Variants in RORC observed in about 807,000 individuals in gnomAD.
RORC encodes RAR related orphan receptor C, also known as nuclear receptor ROR-gamma.
A neutral mutation model predicts 64.5 loss-of-function variants in RORC; 13 were observed. That is an observed-to-expected ratio of 0.20 (90% confidence interval 0.13 to 0.32). The LOEUF (loss-of-function observed/expected upper bound fraction) is 0.32. Ranked by LOEUF, RORC falls within the 10% of genes least tolerant of loss-of-function variation. The pLI is 1.00. For synonymous variants in RORC, 277 were observed against 259.3 expected (o/e 1.07, Z -0.65); for missense variants, 468 against 669.5 (o/e 0.70, Z 3.32).
At chr1:151,813,113 G>A (rs1651603367) in intron 8 of RORC, 56 bp from the exon 9 acceptor site, 1 of 1,480,986 alleles carries the variant, frequency 6.8e-7, no homozygotes, top group African/African-American at 1.4e-5. Context: ...GGTGCCCGAG[G>A]ACACCGCCCT....
At chr1:151,829,099 C>G (rs866246051) in intron 2 of RORC, among the ~76,000 whole-genome samples, 5 of 151,822 alleles carry the variant, frequency 3.3e-5, no homozygotes, top group African/African-American at 4.8e-5. Flanking sequence ...TCCTTCCTTC[C>G]CCGGCCTGGC....
At chr1:151,811,241 C>A in intron 10 of RORC, 84 bp downstream of exon 10, 1 of 821,000 alleles carries the variant, frequency 1.2e-6, no homozygotes, top group Non-Finnish European at 2.0e-6. Context: ...CTCCTCTGTA[C>A]CCACAGACCC....
In RORC at chr1:151,830,837, A is replaced by G. The variant is rs1572050139; in HGVS notation, c.40+888T>C. 1 of 423,730 alleles carries G rather than the reference A, an allele frequency of 2.4e-6. No homozygotes were observed. Among genetic ancestry groups the G allele is most frequent in the Non-Finnish European group, 3.3e-6 (1 of 305,582 alleles). The allele number at this position is 423,730 out of a possible 1,614,324, so 26.2% of individuals were successfully genotyped here. A position where few individuals can be genotyped will look rare whatever the true frequency, so the allele number is the denominator to read the frequency against. The stretch of plus-strand genomic sequence containing the variant: ...CCTCCCCTTGCTCCTGCCTGGCCCC[A>G]CCCAGCTTCCTCCCTGACGTGGCAC... On this transcript the variant is annotated intron_variant, in intron 1 of 10. Coordinates refer to ENST00000318247, the MANE Select transcript of RORC (RefSeq NM_005060.4). The surrounding 1 kb of genome is among the most constrained non-coding windows in gnomAD (Gnocchi z 4.0).
At chr1:151,825,114 A>G (rs986049360) in intron 2 of RORC, among the ~76,000 whole-genome samples, 3 of 152,180 alleles carry the variant, frequency 2.0e-5, no homozygotes, top group African/African-American at 7.2e-5. Flanking sequence ...TGGAAGGCAC[A>G]GGAACCCCAG....
chr1:151,807,297 C>T lies in RORC; in HGVS notation c.*175G>A. 3.4e-6 allele frequency: 2 copies of T among 588,134 alleles called. No individual in the cohort carries two copies. Among genetic ancestry groups the T allele is most frequent in the Admixed American group, 6.2e-5 (2 of 32,066 alleles). 36.4% of individuals were successfully genotyped at this position (588,134 alleles called of 1,614,324 possible). ...CCAGCCCCACCCTCTGGCGATTGTC[C>T]CACTGCCAGGCCGGCCTGCTGACAG... On this transcript the variant is annotated 3_prime_UTR_variant, in exon 11 of 11. Transcript: ENST00000318247. The surrounding 1 kb of genome is among the most constrained non-coding windows in gnomAD (Gnocchi z 5.0).
chr1:151,825,118 A>T (rs912773624), intron 2 of RORC, among the ~76,000 whole-genome samples: 3 of 152,058 alleles, frequency 2.0e-5, no homozygotes, highest in African/African-American at 7.2e-5. Context: ...AGGCACAGGA[A>T]CCCCAGACAT....
intron 9 of RORC, 197 bp from the exon 10 acceptor site, chr1:151,811,631 A>G (rs1651536462): frequency 2.2e-6 from 1 of 447,126 alleles, no homozygotes; most frequent in Non-Finnish European, 4.1e-6. Flanking sequence ...AAAACTGGGA[A>G]GAGATGAAAG....
intron 10 of RORC, among the ~76,000 whole-genome samples, chr1:151,809,052 C>T (rs1420806830): frequency 2.0e-5 from 3 of 152,140 alleles, no homozygotes; most frequent in Non-Finnish European, 2.9e-5. Flanking sequence ...TTGACCATGA[C>T]GCAGACTCTA....
At chr1:151,813,804 T>C (rs1210295458) in intron 6 of RORC, 184 bp from the exon 7 acceptor site, 2 of 653,372 alleles carry the variant, frequency 3.1e-6, no homozygotes, top group Non-Finnish European at 5.1e-6. Context: ...TCCCACACAC[T>C]GAGCACCTAC....
chr1:151,810,478 A>G (rs1277966605), intron 10 of RORC, among the ~76,000 whole-genome samples: 3 of 151,892 alleles, frequency 2.0e-5, no homozygotes, highest in Non-Finnish European at 4.4e-5. Flanking sequence ...CGCAAAGAGC[A>G]CTGGGATTCA....
chr1:151,825,990 G>C lies in RORC; in HGVS notation c.70+3439C>G, dbSNP rs1038591906. The stretch of plus-strand genomic sequence containing the variant: ...CTCCCTGTCCTTCTCAGCAGGGGGT[G>C]GTCCAGGAGTGGGGTGCAGCTGGCG... On this transcript the variant is annotated intron_variant, in intron 2 of 10. Coordinates refer to ENST00000318247, the MANE Select transcript of RORC (RefSeq NM_005060.4). 9 of 1,609,596 alleles carry C rather than the reference G, an allele frequency of 5.6e-6. No individual in the cohort carries two copies. In the Admixed American group the frequency reaches 1.2e-4, roughly 21 times the overall value.
rs1374029641 is a variant in RORC, at chr1:151,807,924, C to A, written c.1396-291G>T. Among the ~76,000 whole-genome samples, 7 of 152,176 alleles carry A rather than the reference C, an allele frequency of 4.6e-5. No homozygotes were observed. Among genetic ancestry groups the A allele is most frequent in the Non-Finnish European group, 8.8e-5 (6 of 68,022 alleles). ...CAAAGACTCTAATGTGCACTTCCTG[C>A]TTTTATAAGAGTGATTGTCTGTGAC... On this transcript the variant is annotated intron_variant, in intron 10 of 10. Coordinates refer to ENST00000318247, the MANE Select transcript of RORC (RefSeq NM_005060.4). The surrounding 1 kb of genome is among the most constrained non-coding windows in gnomAD (Gnocchi z 5.0).
chr1:151,826,655 A>G lies in RORC; in HGVS notation c.70+2774T>C, dbSNP rs186511637. On this transcript the variant is annotated intron_variant, in intron 2 of 10. Transcript: ENST00000318247. ...AATAATCACCAGGCAAATACCCACA[A>G]TCCACAGAAGGAAACCAGAAATTTC... Among the ~76,000 whole-genome samples, 40 of 152,336 alleles carry G rather than the reference A, an allele frequency of 2.6e-4. 1 individual carries two copies. The highest frequency in any genetic ancestry group is 1.5e-5 in the Non-Finnish European group (1 of 68,036).
In RORC at chr1:151,830,862, C is replaced by A. The variant is rs1166781825; in HGVS notation, c.40+863G>T. ...ACCCAGCTTCCTCCCTGACGTGGCACCGGCTCCTGGCCTCTAGCCTTGCAC... is the reference window on the plus strand; with the variant it reads ...ACCCAGCTTCCTCCCTGACGTGGCAACGGCTCCTGGCCTCTAGCCTTGCAC... On this transcript the variant is annotated intron_variant, in intron 1 of 10. Coordinates refer to ENST00000318247, the MANE Select transcript of RORC (RefSeq NM_005060.4). This position sits in a 1 kb window ranked among gnomAD's most constrained non-coding sequence, Gnocchi z 4.0. 1.2e-5 allele frequency: 13 copies of A among 1,101,806 alleles called. No individual in the cohort carries two copies. Among genetic ancestry groups the A allele is most frequent in the Non-Finnish European group, 1.5e-5 (13 of 847,784 alleles). 68.3% of individuals were successfully genotyped at this position (1,101,806 alleles called of 1,614,324 possible). A position where few individuals can be genotyped will look rare whatever the true frequency, so the allele number is the denominator to read the frequency against.
At position 151,813,767 on chromosome 1, in the gene RORC, A is replaced by G; in HGVS notation, c.934-147T>C. 1.9e-5 allele frequency: 16 copies of G among 846,362 alleles called. No homozygotes were observed. In the South Asian group the frequency reaches 2.5e-4, roughly 13 times the overall value. The allele number at this position is 846,362 out of a possible 1,614,324, so 52.4% of individuals were successfully genotyped here. On this transcript the variant is annotated intron_variant, in intron 6 of 10. Coordinates refer to ENST00000318247, the MANE Select transcript of RORC (RefSeq NM_005060.4). ...GCATTTTCAAAAGCCTGGTCTTAGC[A>G]CAAATGCACAGATTCCTGCCAGTGA...
At chr1:151,829,228 A>G (rs767821005) in intron 2 of RORC, among the ~76,000 whole-genome samples, 2 of 148,296 alleles carry the variant, frequency 1.3e-5, no homozygotes, top group Non-Finnish European at 3.0e-5. Context: ...GTTTCCTTTC[A>G]TGCTTCAGGC....
At chr1:151,820,524 C>T (rs1361293538) in intron 2 of RORC, among the ~76,000 whole-genome samples, 3 of 152,148 alleles carry the variant, frequency 2.0e-5, no homozygotes, top group African/African-American at 7.2e-5. Flanking sequence ...GCCCCTGCAC[C>T]ACTGCTCCCA....
chr1:151,827,116 T>G (rs1203074055), intron 2 of RORC, among the ~76,000 whole-genome samples: 1 of 152,102 alleles, frequency 6.6e-6, no homozygotes, highest in Admixed American at 6.5e-5. Context: ...AGACTCTGTC[T>G]CAAAAAGAAA....
intron 2 of RORC, among the ~76,000 whole-genome samples, chr1:151,821,301 C>G (rs1401795964): frequency 6.6e-6 from 1 of 152,052 alleles, no homozygotes; most frequent in South Asian, 2.1e-4. Flanking sequence ...ACCCCAGAAC[C>G]ACCACCCCCC....
Sources: gnomAD v4.1 joint callset for allele counts (sites outside exome capture counted in the v4.1 genomes callset) on GRCh38, gnomAD v4.1.1 for gene constraint, Gnocchi (gnomAD v3.1) non-coding constraint, MANE v1.5 for transcripts, NCBI Gene and HGNC (gene_info 2026-07-23, HGNC 2026-07-21) for gene names.